The following TTC28 variants were observed in gnomAD, a reference collection of about 807,000 sequenced individuals.
TTC28 encodes the protein tetratricopeptide repeat domain 28, also known as tetratricopeptide repeat protein 28.
A neutral mutation model predicts 198.0 loss-of-function variants in TTC28; 61 were observed. The observed-to-expected ratio is 0.31, with a 90% confidence interval of 0.25 to 0.38. The LOEUF is 0.38. TTC28 is among the 10% of genes least tolerant of loss of function. The pLI, the probability that TTC28 is intolerant of heterozygous loss-of-function variation, is 1.00. For missense variants in TTC28, 2,678 were observed against 3,164.0 expected (o/e 0.85, Z 3.69); for synonymous variants, 1,171 against 1,297.8 (o/e 0.90, Z 2.10).
chr22:28,629,698 C>G lies in TTC28; in HGVS notation c.235G>C (p.Val79Leu), dbSNP rs1306597530. 4 of 1,551,670 alleles carry G rather than the reference C, an allele frequency of 2.6e-6. No individual in the cohort carries two copies. The East Asian group carries it at 9.8e-5, about 38-fold the overall frequency. The part of the protein sequence containing the change: ...CHDGDFHTAI[V>L]LYNEALAVDP... ...ACAGCCAGGGCTTCATTATACAGAACAATAGCTGTGTGGAAATCTCCATCA... is the reference window on the plus strand; with the variant it reads ...ACAGCCAGGGCTTCATTATACAGAAGAATAGCTGTGTGGAAATCTCCATCA... Residue 79 changes from valine (V) to leucine (L), a missense_variant, in exon 2 of 23, where the codon GTT becomes CTT. Val to Leu is a conservative substitution (Grantham distance 32). Transcript: ENST00000397906.
At chr22:28,155,589 A>G (rs890846236) in intron 6 of TTC28, among the ~76,000 whole-genome samples, 2 of 152,252 alleles carry the variant, frequency 1.3e-5, no homozygotes, top group Non-Finnish European at 2.9e-5. Context: ...ATTTGGGATA[A>G]TCCTAAAAAG....
rs980646124 is a variant in TTC28, at chr22:27,996,151, C to T, written c.5228G>A (p.Arg1743Gln). ...QHPERARDALRVLLHLVEKSL... is the reference protein window; with the variant it reads ...QHPERARDALQVLLHLVEKSL... ...CCCCCTTACCAGGTGCAGCAGCACT[C>T]GCAGGGCGTCCCGCGCACGCTCCGG... Residue 1743 changes from arginine to glutamine, a missense_variant, in exon 17 of 23, where the codon CGA becomes CAA. By Grantham distance (43) the Arg-to-Gln change is conservative. Coordinates refer to ENST00000397906, the MANE Select transcript of TTC28 (RefSeq NM_001145418.2). The T allele has an allele frequency of 4.1e-5, 64 of 1,550,110 alleles. No homozygotes were observed. Among genetic ancestry groups the T allele is most frequent in the Non-Finnish European group, 5.1e-5 (59 of 1,146,956 alleles).
intron 2 of TTC28, among the ~76,000 whole-genome samples, chr22:28,603,391 TTTG>T (rs372822109): frequency 2.6e-5 from 4 of 151,228 alleles, no homozygotes; most frequent in African/African-American, 9.7e-5. Context: ...TTTTTTGTTT[TTTG>T]TTTTGTTTTT....
intron 1 of TTC28, among the ~76,000 whole-genome samples, chr22:28,639,946 G>A (rs2051336172): frequency 6.6e-6 from 1 of 152,138 alleles, no homozygotes; most frequent in Admixed American, 6.5e-5. Context: ...CTGTGTGAAT[G>A]GATTTAGCAA....
intron 2 of TTC28, among the ~76,000 whole-genome samples, chr22:28,365,142 T>C (rs547043215): frequency 5.9e-5 from 9 of 152,332 alleles, no homozygotes; most frequent in African/African-American, 1.7e-4. Context: ...GCCATCAACA[T>C]TGAGGCAAGA....
At chr22:28,516,122 G>A (rs986044797) in intron 2 of TTC28, among the ~76,000 whole-genome samples, 1 of 150,884 alleles carries the variant, frequency 6.6e-6, no homozygotes, top group East Asian at 1.9e-4. Flanking sequence ...TCCAGCCTGG[G>A]TGACAAGAGC....
intron 2 of TTC28, among the ~76,000 whole-genome samples, chr22:28,619,178 T>C (rs1191656899): frequency 6.6e-6 from 1 of 152,198 alleles, no homozygotes; most frequent in Admixed American, 6.5e-5. Flanking sequence ...TACAGAGTGA[T>C]TATTACCATC....
At chr22:28,174,609 T>C (rs1922982737) in intron 5 of TTC28, among the ~76,000 whole-genome samples, 1 of 152,100 alleles carries the variant, frequency 6.6e-6, no homozygotes, top group Non-Finnish European at 1.5e-5. Context: ...GTTACTTGGG[T>C]GGCTGAGGCA....
At chr22:28,216,578 A>G (rs1927421593) in intron 5 of TTC28, among the ~76,000 whole-genome samples, 1 of 152,166 alleles carries the variant, frequency 6.6e-6, no homozygotes, top group African/African-American at 2.4e-5. Flanking sequence ...TTACATACAA[A>G]GGAAAGGTTA....
chr22:28,594,807 C>T (rs531421913), intron 2 of TTC28, among the ~76,000 whole-genome samples: 5 of 152,178 alleles, frequency 3.3e-5, no homozygotes, highest in Middle Eastern at 3.4e-3. Context: ...CTTCACCATC[C>T]GATAAATAAG....
At chr22:27,988,932 G>A (rs1023670021) in intron 21 of TTC28, among the ~76,000 whole-genome samples, 19 of 152,200 alleles carry the variant, frequency 1.2e-4, no homozygotes, top group African/African-American at 4.3e-4. Flanking sequence ...TGTTCTCCCA[G>A]TAGAGTGCAA....
intron 5 of TTC28, among the ~76,000 whole-genome samples, chr22:28,252,759 T>G (rs1233533907): frequency 6.6e-6 from 1 of 152,172 alleles, no homozygotes; most frequent in Non-Finnish European, 1.5e-5. Context: ...CAAGCCCAGA[T>G]CAATGTTCTG....
At chr22:28,014,166 C>T in intron 14 of TTC28, 82 bp downstream of exon 14, 1 of 1,471,764 alleles carries the variant, frequency 6.8e-7, no homozygotes, top group Non-Finnish European at 9.1e-7. Context: ...ATTTTGGTGT[C>T]TAAGAGGGAT....
At chr22:28,084,739 T>C (rs1002284321) in intron 12 of TTC28, among the ~76,000 whole-genome samples, 2 of 151,794 alleles carry the variant, frequency 1.3e-5, no homozygotes, top group Non-Finnish European at 2.9e-5. Flanking sequence ...TTCGAACCAA[T>C]GGCAAAGAAG....
chr22:27,997,189 G>A (rs1937567702), intron 16 of TTC28, among the ~76,000 whole-genome samples: 1 of 152,246 alleles, frequency 6.6e-6, no homozygotes, highest in Non-Finnish European at 1.5e-5. Flanking sequence ...AGGCAGGTGA[G>A]CAGCCCTCCG....
At chr22:28,072,908 G>A (rs1483092863) in intron 12 of TTC28, among the ~76,000 whole-genome samples, 1 of 152,180 alleles carries the variant, frequency 6.6e-6, no homozygotes, top group East Asian at 1.9e-4. Flanking sequence ...GGGCTGATGT[G>A]TGCAGGAGTG....
intron 5 of TTC28, among the ~76,000 whole-genome samples, chr22:28,215,211 ACATGGCACATGT>A (rs1339655038): frequency 4.6e-5 from 7 of 152,216 alleles, no homozygotes; most frequent in African/African-American, 1.7e-4. Flanking sequence ...CAGCACACCA[ACATGGCACATGT>A]GTACATATGT....
At chr22:28,451,311 A>G (rs1262927121) in intron 2 of TTC28, among the ~76,000 whole-genome samples, 2 of 152,194 alleles carry the variant, frequency 1.3e-5, no homozygotes, top group African/African-American at 4.8e-5. Context: ...AGCCCAGACT[A>G]AAGTGTACTC....
chr22:28,236,281 A>C (rs756206925), intron 5 of TTC28, among the ~76,000 whole-genome samples: 1 of 152,102 alleles, frequency 6.6e-6, no homozygotes, highest in Non-Finnish European at 1.5e-5. Flanking sequence ...TTGAACTTTC[A>C]TTTCTTTAGC....
Sources: gnomAD v4.1 joint callset for allele counts (sites outside exome capture counted in the v4.1 genomes callset) on GRCh38, gnomAD v4.1.1 for gene constraint, MANE v1.5 for transcripts, NCBI Gene and HGNC (gene_info 2026-07-23, HGNC 2026-07-21) for gene names.